The following GNAL variants were observed in gnomAD, a reference collection of about 807,000 sequenced individuals.
GNAL encodes the protein guanine nucleotide-binding protein G(olf) subunit alpha.
Under a neutral mutation model 55.1 loss-of-function variants are expected in GNAL, and 18 were observed. That is an observed-to-expected ratio of 0.33 (90% CI 0.23 to 0.48). The LOEUF is 0.48. Among genes scored for constraint, GNAL ranks in the 20% least tolerant of loss-of-function variants. The pLI, the probability that GNAL is intolerant of heterozygous loss-of-function variation, is 0.99. For missense variants in GNAL, 412 were observed against 614.1 expected (o/e 0.67, Z 3.48); for synonymous variants, 253 against 237.0 (o/e 1.07, Z -0.62).
chr18:11,794,665 A>T (rs1002272626), intron 4 of GNAL, among the ~76,000 whole-genome samples: 1 of 151,906 alleles, frequency 6.6e-6, no homozygotes, highest in Non-Finnish European at 1.5e-5. Context: ...GCAGTTACAC[A>T]ACGCTGTAAA....
chr18:11,783,020 G>GT (rs1248397544), intron 4 of GNAL, among the ~76,000 whole-genome samples: 2 of 152,222 alleles, frequency 1.3e-5, no homozygotes, highest in African/African-American at 4.8e-5. Context: ...AAAAGACATG[G>GT]TAGAATATCA....
chr18:11,798,135 A>G (rs1394024152), intron 4 of GNAL, among the ~76,000 whole-genome samples: 1 of 152,230 alleles, frequency 6.6e-6, no homozygotes, highest in Non-Finnish European at 1.5e-5. Flanking sequence ...CTGGAGGCTG[A>G]GGCAGGAGGA....
intron 1 of GNAL, among the ~76,000 whole-genome samples, chr18:11,749,150 A>C (rs977718028): frequency 2.3e-5 from 3 of 127,970 alleles, no homozygotes; most frequent in Admixed American, 1.5e-4. Flanking sequence ...AAAAAAAAAA[A>C]ACCTCACCTT....
chr18:11,839,063 C>G (rs367584075), intron 5 of GNAL, among the ~76,000 whole-genome samples: 12 of 152,210 alleles, frequency 7.9e-5, no homozygotes, highest in African/African-American at 2.2e-4. Flanking sequence ...TAAATCTAAC[C>G]AAATTTTGTA....
intron 1 of GNAL, among the ~76,000 whole-genome samples, chr18:11,708,107 T>C (rs1042215010): frequency 9.9e-5 from 15 of 152,236 alleles, no homozygotes; most frequent in Admixed American, 1.3e-4. Context: ...ACTTTTAATT[T>C]CCTTCAAGAA....
chr18:11,700,224 C>T (rs1472667664), intron 1 of GNAL, among the ~76,000 whole-genome samples: 2 of 152,148 alleles, frequency 1.3e-5, no homozygotes, highest in Admixed American at 6.6e-5. Flanking sequence ...GTCAGTTAAC[C>T]GCAGCAGGAA....
chr18:11,702,088 A>G (rs1376065558), intron 1 of GNAL: 1 of 152,284 alleles, frequency 6.6e-6, no homozygotes, highest in African/African-American at 2.4e-5. Flanking sequence ...GGGAGCATCT[A>G]GAGGGCGTGA....
chr18:11,806,630 C>T (rs529436654), intron 4 of GNAL, among the ~76,000 whole-genome samples: 145 of 152,166 alleles, frequency 9.5e-4, no homozygotes, highest in African/African-American at 3.5e-3. Context: ...AACTGTCCTT[C>T]CACTTTGATA....
Position 11,689,808 on chromosome 18 carries a change from G to T in GNAL, c.245G>T (p.Ser82Ile). The T allele has an allele frequency of 1.3e-6, 2 of 1,538,408 alleles. No individual in the cohort carries two copies. The highest frequency in any genetic ancestry group is 1.7e-6 in the Non-Finnish European group (2 of 1,145,392). ...AAGCGGCAGCGCACCGAGCAGCTGA[G>T]TGCCGAGGAGCGCGAGGCGGCCAAG... ...KEKRQRTEQL[S>I]AEEREAAKER... Residue 82 changes from serine to isoleucine, a missense_variant, in exon 1 of 12, where the codon AGT (serine) becomes ATT (isoleucine). Ser to Ile is a moderately radical substitution (Grantham distance 142). This residue lies in a region of GNAL where 228 missense variants were observed against 194.8 expected (regional missense o/e 1.17). Transcript: ENST00000334049.
intron 4 of GNAL, among the ~76,000 whole-genome samples, chr18:11,803,606 G>T (rs574752024): frequency 1.6e-4 from 24 of 152,306 alleles, no homozygotes; most frequent in African/African-American, 5.3e-4. Context: ...ATTGTGTAGT[G>T]GTGAAGTGCA....
intron 4 of GNAL, among the ~76,000 whole-genome samples, chr18:11,792,672 A>G (rs2034271065): frequency 1.3e-5 from 2 of 152,272 alleles, no homozygotes; most frequent in Non-Finnish European, 1.5e-5. Context: ...AGCTCCTAGC[A>G]TGGTGCCTAG....
intron 1 of GNAL, among the ~76,000 whole-genome samples, chr18:11,729,276 G>C (rs1294800516): frequency 6.6e-6 from 1 of 152,098 alleles, no homozygotes; most frequent in East Asian, 1.9e-4. Flanking sequence ...ATGGAGCAGT[G>C]GTCTTAGCGC....
At chr18:11,863,500 A>G (rs1182423101) in intron 6 of GNAL, among the ~76,000 whole-genome samples, 2 of 152,206 alleles carry the variant, frequency 1.3e-5, no homozygotes, top group African/African-American at 4.8e-5. Flanking sequence ...TGACAAAGCA[A>G]TGGAGGCTTC....
intron 2 of GNAL, 175 bp from the exon 3 acceptor site, chr18:11,753,450 AAAG>A (rs2032930512): frequency 1.8e-6 from 1 of 553,256 alleles, no homozygotes; most frequent in Admixed American, 3.6e-5. Context: ...ACAAATTAGA[AAAG>A]AAGGGTGCTT....
At chr18:11,797,179 C>G (rs1050180205) in intron 4 of GNAL, among the ~76,000 whole-genome samples, 5 of 152,146 alleles carry the variant, frequency 3.3e-5, no homozygotes, top group East Asian at 1.9e-4. Context: ...TGATCCACCC[C>G]CCTTGGCCTC....
At chr18:11,740,546 CTA>C (rs930213375) in intron 1 of GNAL, among the ~76,000 whole-genome samples, 2 of 152,128 alleles carry the variant, frequency 1.3e-5, no homozygotes, top group Non-Finnish European at 2.9e-5. Context: ...ATGAGTGTGT[CTA>C]TGTATATTTT....
chr18:11,752,269 G>T lies in GNAL; in HGVS notation c.377-584G>T. The T allele has an allele frequency of 7.2e-7, 1 of 1,383,256 alleles. No homozygotes were observed. Among genetic ancestry groups the T allele is most frequent in the South Asian group, 1.8e-5 (1 of 54,846 alleles). The allele number at this position is 1,383,256 out of a possible 1,614,324, so 85.7% of individuals were successfully genotyped here. ...GGGAGTTTGCGGTGGGCAGGGGGAG[G>T]GAGAAGAAACGCCTGCTCTGAATCG... On this transcript the variant is annotated intron_variant, in intron 1 of 11. Coordinates refer to ENST00000334049, the MANE Select transcript of GNAL (RefSeq NM_182978.4). This position sits in a 1 kb window ranked among gnomAD's most constrained non-coding sequence, Gnocchi z 4.5.
chr18:11,842,243 A>G (rs1428943407), intron 5 of GNAL, among the ~76,000 whole-genome samples: 1 of 151,970 alleles, frequency 6.6e-6, no homozygotes, highest in Non-Finnish European at 1.5e-5. Context: ...GGCCTCCCAA[A>G]TTGCTGGGAT....
At chr18:11,823,563 A>G (rs2035161153) in intron 4 of GNAL, among the ~76,000 whole-genome samples, 1 of 152,192 alleles carries the variant, frequency 6.6e-6, no homozygotes, top group Admixed American at 6.5e-5. Context: ...GTTTTTTCAA[A>G]GAGAGCCTTC....
Sources: allele counts gnomAD v4.1 joint callset (sites outside exome capture counted in the v4.1 genomes callset), GRCh38; gene constraint gnomAD v4.1.1; regional missense constraint gnomAD v4.1.1; non-coding constraint Gnocchi (gnomAD v3.1); transcripts MANE v1.5; gene names NCBI Gene and HGNC (gene_info 2026-07-23, HGNC 2026-07-21).